ZFP14: variants seen among roughly 807,000 people sequenced by gnomAD.
The protein encoded by ZFP14 is zinc finger protein 14 homolog.
In ZFP14, 22 loss-of-function variants were observed where a neutral mutation model predicts 54.5. The observed-to-expected ratio is 0.40, with a 90% confidence interval of 0.29 to 0.58. The LOEUF (loss-of-function observed/expected upper bound fraction) is 0.58, where lower values mean the gene tolerates loss of function less well. Ranked by LOEUF, ZFP14 falls within the 20% of genes least tolerant of loss-of-function variation. The pLI is 0.39. For synonymous variants in ZFP14, 159 were observed against 204.0 expected (o/e 0.78, Z 1.88); for missense variants, 470 against 637.8 (o/e 0.74, Z 2.83).
At chr19:36,372,206 C>A in intron 1 of ZFP14, among the ~76,000 whole-genome samples, 1 of 151,404 alleles carries the variant, frequency 6.6e-6, no homozygotes, top group Admixed American at 6.6e-5. Context: ...GGTAAGTATC[C>A]AGGTATGGCC....
chr19:36,368,058 C>T, intron 1 of ZFP14, 87 bp from the exon 2 acceptor site: 2 of 690,486 alleles, frequency 2.9e-6, no homozygotes, highest in Non-Finnish European at 4.6e-6. Context: ...ACTTTTTTCT[C>T]TTCCATTCCT....
intron 4 of ZFP14, among the ~76,000 whole-genome samples, chr19:36,357,317 A>G (rs2031631852): frequency 6.6e-6 from 1 of 152,248 alleles, no homozygotes; most frequent in South Asian, 2.1e-4. Flanking sequence ...TGCTAGGATT[A>G]CAGATGTAAG....
At chr19:36,361,274 C>T (rs2031705555) in intron 3 of ZFP14, among the ~76,000 whole-genome samples, 1 of 152,204 alleles carries the variant, frequency 6.6e-6, no homozygotes, top group South Asian at 2.1e-4. Context: ...GAGTCTCACT[C>T]TGTCACCCAG....
intron 1 of ZFP14, among the ~76,000 whole-genome samples, chr19:36,368,824 C>T (rs1213107145): frequency 6.6e-6 from 1 of 152,090 alleles, no homozygotes; most frequent in Non-Finnish European, 1.5e-5. Context: ...CCATGACATC[C>T]TTCACCACTC....
At chr19:36,363,499 G>A (rs1003993454) in intron 2 of ZFP14, among the ~76,000 whole-genome samples, 1 of 151,464 alleles carries the variant, frequency 6.6e-6, no homozygotes, top group Non-Finnish European at 1.5e-5. Context: ...CCGGCCCCCT[G>A]TATCAATCAT....
In ZFP14 at chr19:36,348,566, G is replaced by C. The variant is rs147432570; in HGVS notation, c.236-6976C>G. The stretch of plus-strand genomic sequence containing the variant: ...GGCTGGAGTGCAGTGGCACAATCTT[G>C]GCTCACTGCAACCTCCGCCTCCTGG... On this transcript the variant is annotated intron_variant, in intron 4 of 4. Transcript: ENST00000270001. Among the ~76,000 whole-genome samples the C allele has an allele frequency of 2.9e-3, 448 of 152,210 alleles. 5 individuals are homozygous for C. The highest frequency in any genetic ancestry group is 3.4e-3 in the Middle Eastern group (1 of 294).
intron 4 of ZFP14, among the ~76,000 whole-genome samples, chr19:36,351,335 C>T (rs755556669): frequency 1.4e-5 from 2 of 140,220 alleles, no homozygotes; most frequent in Non-Finnish European, 3.2e-5. Flanking sequence ...CCCGTCTCTA[C>T]TAAAAACTAC....
intron 4 of ZFP14, among the ~76,000 whole-genome samples, chr19:36,347,221 T>C (rs899348352): frequency 6.6e-6 from 1 of 152,200 alleles, no homozygotes; most frequent in African/African-American, 2.4e-5. Flanking sequence ...AATAATATAG[T>C]TCTTGACACA....
intron 4 of ZFP14, among the ~76,000 whole-genome samples, chr19:36,354,635 C>T (rs2031584746): frequency 1.4e-5 from 2 of 141,962 alleles, no homozygotes; most frequent in Non-Finnish European, 3.1e-5. Flanking sequence ...TGTCACTATT[C>T]AAGTATCACC....
At chr19:36,342,131 A>G (rs2031329450) in intron 4 of ZFP14, among the ~76,000 whole-genome samples, 1 of 149,810 alleles carries the variant, frequency 6.7e-6, no homozygotes, top group African/African-American at 2.5e-5. Context: ...CTGGGATTAC[A>G]GGAGTGAGCC....
intron 1 of ZFP14, among the ~76,000 whole-genome samples, chr19:36,377,617 C>T (rs2031983350): frequency 6.6e-6 from 1 of 151,644 alleles, no homozygotes; most frequent in Non-Finnish European, 1.5e-5. Context: ...GGTTTACTTC[C>T]AGACCATCCA....
At chr19:36,349,987 CTG>C (rs2031497857) in intron 4 of ZFP14, among the ~76,000 whole-genome samples, 13 of 140,142 alleles carry the variant, frequency 9.3e-5, no homozygotes, top group Admixed American at 4.5e-4. Context: ...TGGTGAAACC[CTG>C]TCTCTACTAA....
At chr19:36,376,017 AATG>A (rs2031957053) in intron 1 of ZFP14, among the ~76,000 whole-genome samples, 1 of 151,886 alleles carries the variant, frequency 6.6e-6, no homozygotes, top group Admixed American at 6.6e-5. Flanking sequence ...AAGTATGCAT[AATG>A]ATGATATTTG....
intron 1 of ZFP14, among the ~76,000 whole-genome samples, chr19:36,376,629 G>C (rs774863541): frequency 2.0e-5 from 3 of 152,024 alleles, no homozygotes; most frequent in Non-Finnish European, 2.9e-5. Flanking sequence ...ACAAAAGGAG[G>C]GTACAAAGAT....
chr19:36,346,182 G>C (rs961082941), intron 4 of ZFP14, among the ~76,000 whole-genome samples: 3 of 152,050 alleles, frequency 2.0e-5, no homozygotes, highest in African/African-American at 7.2e-5. Context: ...CTACTCGAAA[G>C]ACTGAGGGAA....
chr19:36,342,593 A>G (rs2031341064), intron 4 of ZFP14, among the ~76,000 whole-genome samples: 1 of 152,206 alleles, frequency 6.6e-6, no homozygotes, highest in Non-Finnish European at 1.5e-5. Flanking sequence ...AAAATGCACA[A>G]AAATAAAGAG....
At chr19:36,362,384 G>T (rs2031724936) in intron 2 of ZFP14, 146 bp from the exon 3 acceptor site, 2 of 751,264 alleles carry the variant, frequency 2.7e-6, no homozygotes, top group Non-Finnish European at 4.1e-6. Flanking sequence ...ATGAGTAGGG[G>T]CCAGTAAGAA....
At chr19:36,371,284 A>G (rs1178507137) in intron 1 of ZFP14, among the ~76,000 whole-genome samples, 1 of 152,088 alleles carries the variant, frequency 6.6e-6, no homozygotes, top group Non-Finnish European at 1.5e-5. Context: ...AAGAATTCAA[A>G]TAACTGTTTT....
chr19:36,369,346 A>G (rs1377552129), intron 1 of ZFP14, among the ~76,000 whole-genome samples: 1 of 152,136 alleles, frequency 6.6e-6, no homozygotes, highest in Non-Finnish European at 1.5e-5. Flanking sequence ...AGTTGCCAAC[A>G]TTTGTTTTGA....
Sources: gnomAD v4.1 joint callset for allele counts (sites outside exome capture counted in the v4.1 genomes callset) on GRCh38, gnomAD v4.1.1 for gene constraint, MANE v1.5 for transcripts, NCBI Gene and HGNC (gene_info 2026-07-23, HGNC 2026-07-21) for gene names.